The following LRMDA variants were observed in gnomAD, a reference collection of about 807,000 sequenced individuals.
LRMDA encodes leucine-rich melanocyte differentiation-associated protein.
Under a neutral mutation model 29.8 loss-of-function variants are expected in LRMDA, and 18 were observed. That is an observed-to-expected ratio of 0.60 (90% CI 0.42 to 0.90). The LOEUF is 0.90. Ranked by LOEUF, LRMDA falls within the 40% of genes least tolerant of loss-of-function variation. The pLI is 0.00. For synonymous variants in LRMDA, 125 were observed against 109.4 expected (o/e 1.14, Z -0.89); for missense variants, 273 against 273.9 (o/e 1.00, Z 0.02).
At chr10:76,035,725 C>A (rs930849337) in intron 2 of LRMDA, among the ~76,000 whole-genome samples, 1 of 152,160 alleles carries the variant, frequency 6.6e-6, no homozygotes, top group African/African-American at 2.4e-5. Flanking sequence ...ATCCTGCAGG[C>A]CGTATCTGAA....
intron 5 of LRMDA, among the ~76,000 whole-genome samples, chr10:76,229,518 G>A (rs1852021118): frequency 6.6e-6 from 1 of 152,184 alleles, no homozygotes; most frequent in African/African-American, 2.4e-5. Context: ...GAGAGGTGAT[G>A]CAAGACAATT....
Position 76,130,915 on chromosome 10 carries a change from G to A in LRMDA, c.516+72132G>A, listed in dbSNP as rs541283077. Among the ~76,000 whole-genome samples, 10 of 152,158 alleles carry A rather than the reference G, an allele frequency of 6.6e-5. No homozygotes were observed. The South Asian group carries it at 2.1e-3, about 32-fold the overall frequency. ...TGACCTCAGGTGATCCACTCGCCTC[G>A]GCCTCCCAAAGTGCTGGAATTACAG... On this transcript the variant is annotated intron_variant, in intron 5 of 6. Transcript: ENST00000611255.
At position 75,803,327 on chromosome 10, in the gene LRMDA, C is replaced by T. The variant is rs1843790034; in HGVS notation, c.132-232681C>T. Among the ~76,000 whole-genome samples, 4 of 152,268 alleles carry T rather than the reference C, an allele frequency of 2.6e-5. No individual in the cohort carries two copies. In the South Asian group the frequency reaches 8.3e-4, roughly 32 times the overall value. ...TCACTTAGCTCATAATATGGTGACA[C>T]ATTTCACAGGTCTCATGATCAGATG... On this transcript the variant is annotated intron_variant, in intron 2 of 6. Transcript: ENST00000611255.
intron 2 of LRMDA, among the ~76,000 whole-genome samples, chr10:76,008,060 G>T (rs1564628771): frequency 6.6e-6 from 1 of 152,122 alleles, no homozygotes; most frequent in Non-Finnish European, 1.5e-5. Context: ...AATCCTCTCT[G>T]CTTATAGGTT....
chr10:76,532,148 G>A (rs1012196661), intron 6 of LRMDA, among the ~76,000 whole-genome samples: 2 of 152,020 alleles, frequency 1.3e-5, no homozygotes, highest in African/African-American at 4.8e-5. Context: ...CCTACATTAG[G>A]TATTTCTCCT....
chr10:75,566,652 C>G lies in LRMDA; in HGVS notation c.131+128158C>G, dbSNP rs545162954. On this transcript the variant is annotated intron_variant, in intron 2 of 6. Transcript: ENST00000611255. Reference sequence around the variant, plus strand: ...TTTGACTTCTTTAATGCTTCTCTATCCAGTTTGCTGGCCATTTCTTCCCCG... The same window carrying G: ...TTTGACTTCTTTAATGCTTCTCTATGCAGTTTGCTGGCCATTTCTTCCCCG... Among the ~76,000 whole-genome samples, 39 of 152,236 alleles carry G rather than the reference C, an allele frequency of 2.6e-4. 1 individual carries two copies. The South Asian group carries it at 8.1e-3, about 32-fold the overall frequency.
intron 2 of LRMDA, among the ~76,000 whole-genome samples, chr10:75,910,951 C>T (rs545179035): frequency 4.6e-5 from 7 of 152,078 alleles, no homozygotes; most frequent in Non-Finnish European, 8.8e-5. Context: ...TGATTGGTTG[C>T]GTCAATGGAG....
chr10:76,265,997 T>C (rs1339501899), intron 5 of LRMDA, among the ~76,000 whole-genome samples: 1 of 152,132 alleles, frequency 6.6e-6, no homozygotes, highest in Non-Finnish European at 1.5e-5. Flanking sequence ...AGGTTACAAG[T>C]CAAATAGCCT....
At chr10:76,148,905 G>GT in intron 5 of LRMDA, among the ~76,000 whole-genome samples, 1 of 152,262 alleles carries the variant, frequency 6.6e-6, no homozygotes, top group African/African-American at 2.4e-5. Flanking sequence ...ATGACCTAGA[G>GT]TTTCTCTTGG....
rs1589192908 is a variant in LRMDA, at chr10:75,581,970, A to G, written c.131+143476A>G. Among the ~76,000 whole-genome samples, 3 of 152,138 alleles carry G rather than the reference A, an allele frequency of 2.0e-5. No homozygotes were observed. In the South Asian group the frequency reaches 6.2e-4, roughly 32 times the overall value. On this transcript the variant is annotated intron_variant, in intron 2 of 6. Coordinates refer to ENST00000611255, the MANE Select transcript of LRMDA (RefSeq NM_001305581.2). ...TAAAGCTCCAAGATAGTATTCTTTG[A>G]CTCCCTGTCTCACATCCAGGACACA...
At chr10:76,345,591 GA>G (rs1841097686) in intron 6 of LRMDA, among the ~76,000 whole-genome samples, 1 of 151,580 alleles carries the variant, frequency 6.6e-6, no homozygotes, top group Non-Finnish European at 1.5e-5. Flanking sequence ...CTATATTTAT[GA>G]AAAAACTCTG....
chr10:75,982,935 A>T (rs766720547), intron 2 of LRMDA, among the ~76,000 whole-genome samples: 2 of 152,212 alleles, frequency 1.3e-5, no homozygotes, highest in African/African-American at 4.8e-5. Flanking sequence ...GCACATTCAT[A>T]TCCCTGTTTT....
intron 2 of LRMDA, among the ~76,000 whole-genome samples, chr10:75,719,903 C>T (rs1174370007): frequency 1.3e-5 from 2 of 152,076 alleles, no homozygotes; most frequent in East Asian, 3.9e-4. Flanking sequence ...GGGGATGTTC[C>T]CTGGATGTTT....
intron 2 of LRMDA, among the ~76,000 whole-genome samples, chr10:75,486,788 A>G (rs1329125452): frequency 1.3e-5 from 2 of 152,162 alleles, no homozygotes; most frequent in African/African-American, 4.8e-5. Context: ...GTCTCCATTC[A>G]GTTGACTCTG....
chr10:75,575,871 CAGG>C (rs67154357), intron 2 of LRMDA, among the ~76,000 whole-genome samples: 14,326 of 152,106 alleles, frequency 0.094, 877 homozygotes, highest in East Asian at 0.31. Context: ...ACCCACAGAC[CAGG>C]AGATTTACTC....
At chr10:75,761,808 G>C (rs148452451) in intron 2 of LRMDA, among the ~76,000 whole-genome samples, 1 of 120,054 alleles carries the variant, frequency 8.3e-6, no homozygotes, top group African/African-American at 3.2e-5. Context: ...TTTTTTTTTT[G>C]TTTTTTTTTT....
At position 75,560,563 on chromosome 10, in the gene LRMDA, A is replaced by T. The variant is rs1840279043; in HGVS notation, c.131+122069A>T. On this transcript the variant is annotated intron_variant, in intron 2 of 6. Coordinates refer to ENST00000611255, the MANE Select transcript of LRMDA (RefSeq NM_001305581.2). ...CTAATTGCCCTGGTCAGAACTTCCAACACTATGTTGAATAGGAGTGGTGAG... is the reference window on the plus strand; with the variant it reads ...CTAATTGCCCTGGTCAGAACTTCCATCACTATGTTGAATAGGAGTGGTGAG... 2.6e-5 allele frequency among the ~76,000 whole-genome samples: 4 copies of T among 151,692 alleles called. No homozygotes were observed. The South Asian group carries it at 8.4e-4, about 32-fold the overall frequency.
intron 2 of LRMDA, among the ~76,000 whole-genome samples, chr10:75,738,458 G>A (rs1416784543): frequency 6.6e-6 from 1 of 152,144 alleles, no homozygotes; most frequent in Non-Finnish European, 1.5e-5. Flanking sequence ...TTCTTAACCG[G>A]TGATAGTGCA....
chr10:76,014,136 ATATATATAAT>A (rs1183555406), intron 2 of LRMDA, among the ~76,000 whole-genome samples: 1 of 139,856 alleles, frequency 7.2e-6, no homozygotes, highest in Non-Finnish European at 1.5e-5. Context: ...TTATATATAT[ATATATATAAT>A]TATATATATA....
Sources: allele counts gnomAD v4.1 joint callset (sites outside exome capture counted in the v4.1 genomes callset), GRCh38; gene constraint gnomAD v4.1.1; transcripts MANE v1.5; gene names NCBI Gene and HGNC (gene_info 2026-07-23, HGNC 2026-07-21).